Variants in HOXD3 observed in about 807,000 individuals in gnomAD.
The protein encoded by HOXD3 is homeobox protein Hox-D3.
A neutral mutation model predicts 32.8 loss-of-function variants in HOXD3; 13 were observed. The observed-to-expected ratio is 0.40, with a 90% CI of 0.26 to 0.63. The LOEUF (loss-of-function observed/expected upper bound fraction) is 0.63, where lower values mean the gene tolerates loss of function less well. HOXD3 is among the 20% of genes least tolerant of loss of function. HOXD3 has a pLI of 0.44. For synonymous variants in HOXD3, 241 were observed against 246.8 expected (o/e 0.98, Z 0.22); for missense variants, 504 against 577.1 (o/e 0.87, Z 1.30).
chr2:176,159,155 C>T (rs1465127782), intron 1 of HOXD3, among the ~76,000 whole-genome samples: 1 of 151,958 alleles, frequency 6.6e-6, no homozygotes, highest in Non-Finnish European at 1.5e-5. Context: ...AGCAGCCCCC[C>T]TCTTTGGCTG....
intron 3 of HOXD3, among the ~76,000 whole-genome samples, chr2:176,171,153 G>A (rs1187868482): frequency 6.6e-6 from 1 of 152,130 alleles, no homozygotes; most frequent in Non-Finnish European, 1.5e-5. Flanking sequence ...AAAGGAGTCT[G>A]GCCCTTCTTT....
chr2:176,169,012 C>T lies in HOXD3; in HGVS notation c.-84-19C>T. The T allele has an allele frequency of 6.7e-7, 1 of 1,481,600 alleles. No individual in the cohort carries two copies. The highest frequency in any genetic ancestry group is 1.4e-5 in the South Asian group (1 of 70,294). The allele number at this position is 1,481,600 out of a possible 1,614,324, so 91.8% of individuals were successfully genotyped here. ...GCCAATGACACTCCCTCTGGGGCCT[C>T]TTGCTTTTCTTCTGACAGGTCACCT... On this transcript the variant is annotated intron_variant, in intron 2 of 3. Coordinates refer to ENST00000683222, the MANE Select transcript of HOXD3 (RefSeq NM_006898.5).
chr2:176,171,280 G>T (rs896744012), intron 3 of HOXD3, among the ~76,000 whole-genome samples: 3 of 152,176 alleles, frequency 2.0e-5, no homozygotes, highest in African/African-American at 7.2e-5. Flanking sequence ...GAGTGAACTG[G>T]ATCTCAGAAG....
At chr2:176,153,138 G>A, upstream of HOXD3, 1 of 516,958 alleles carries the variant, frequency 1.9e-6, no homozygotes, top group Admixed American at 3.2e-5. Flanking sequence ...GGATGGGAGG[G>A]GGGGCGGGAT....
At position 176,171,662 on chromosome 2, in the gene HOXD3, C is replaced by G; in HGVS notation, c.687C>G (p.Asn229Lys). Residue 229 changes from asparagine (N) to lysine (K), a missense_variant, in exon 4 of 4, where the codon AAC (asparagine) becomes AAG (lysine). By Grantham distance (94) the Asn-to-Lys change is moderately conservative. Around this residue, in one of 3 missense-constraint regions of HOXD3, gnomAD observed 97 missense variants for 158.0 expected, o/e 0.61. Transcript: ENST00000683222. ...GGCCGCGCCGCGTGGAGATGGCCAACCTGCTGAATCTCACGGAACGCCAGA... is the reference window on the plus strand; with the variant it reads ...GGCCGCGCCGCGTGGAGATGGCCAAGCTGCTGAATCTCACGGAACGCCAGA... ...LCRPRRVEMA[N>K]LLNLTERQIK... 1 of 1,614,188 alleles carries G rather than the reference C, an allele frequency of 6.2e-7. No individual in the cohort carries two copies. Among genetic ancestry groups the G allele is most frequent in the Non-Finnish European group, 8.5e-7 (1 of 1,180,036 alleles).
At chr2:176,158,393 CA>C (rs1334109013) in intron 1 of HOXD3, among the ~76,000 whole-genome samples, 1 of 152,196 alleles carries the variant, frequency 6.6e-6, no homozygotes, top group Non-Finnish European at 1.5e-5. Flanking sequence ...ACCCCATCCC[CA>C]GCTTGCCAGG....
upstream of HOXD3, among the ~76,000 whole-genome samples, chr2:176,156,903 A>C (rs1690655689): frequency 6.6e-6 from 1 of 152,198 alleles, no homozygotes; most frequent in Non-Finnish European, 1.5e-5. Flanking sequence ...ATAAGTGCGC[A>C]GGCAGAAGTT....
In HOXD3 at chr2:176,157,465, G is replaced by A. The variant is rs1690673176; in HGVS notation, c.-181+13G>A. On this transcript the variant is annotated intron_variant, in intron 1 of 3. Coordinates refer to ENST00000683222, the MANE Select transcript of HOXD3 (RefSeq NM_006898.5). ...AGCGCGGCCGCAGGTAAATATTTTG[G>A]CAACTTTTATTTCATCAGATTTAAA... 6.6e-6 allele frequency among the ~76,000 whole-genome samples: 1 copy of A among 152,166 alleles called. No homozygotes were observed. Among genetic ancestry groups the A allele is most frequent in the Non-Finnish European group, 1.5e-5 (1 of 68,014 alleles).
intron 2 of HOXD3, among the ~76,000 whole-genome samples, chr2:176,166,131 G>A (rs1177228387): frequency 6.6e-6 from 1 of 152,176 alleles, no homozygotes; most frequent in Non-Finnish European, 1.5e-5. Flanking sequence ...CATTGAGTGG[G>A]AAATTTCTTG....
Position 176,172,480 on chromosome 2 carries a change from C to T in HOXD3, c.*206C>T. ...GTCCTTTGGGTGACTCGCCATAAATCAGCCGCAAGGATCCTTCCCTGTAAA... is the reference window on the plus strand; with the variant it reads ...GTCCTTTGGGTGACTCGCCATAAATTAGCCGCAAGGATCCTTCCCTGTAAA... On this transcript the variant is annotated 3_prime_UTR_variant, in exon 4 of 4. Transcript: ENST00000683222. 3.5e-6 allele frequency: 2 copies of T among 579,156 alleles called. No individual in the cohort carries two copies. The highest frequency in any genetic ancestry group is 5.8e-5 in the East Asian group (2 of 34,748). 35.9% of individuals were successfully genotyped at this position (579,156 alleles called of 1,614,324 possible).
chr2:176,156,397 C>T (rs1690644617), upstream of HOXD3, among the ~76,000 whole-genome samples: 1 of 152,192 alleles, frequency 6.6e-6, no homozygotes, highest in Admixed American at 6.5e-5. Flanking sequence ...TCCAGGTTGG[C>T]ATTCTGCTGG....
chr2:176,170,798 A>G (rs1295526764), intron 3 of HOXD3, among the ~76,000 whole-genome samples: 5 of 152,108 alleles, frequency 3.3e-5, no homozygotes, highest in African/African-American at 1.2e-4. Flanking sequence ...GAGAGGTGGC[A>G]GGGTAGTAAA....
At chr2:176,154,973 G>C (rs923722163), upstream of HOXD3, among the ~76,000 whole-genome samples, 1 of 152,176 alleles carries the variant, frequency 6.6e-6, no homozygotes, top group Non-Finnish European at 1.5e-5. Flanking sequence ...TACAGAATCA[G>C]GTTCATCCAG....
At chr2:176,166,724 C>T (rs2105445661) in intron 2 of HOXD3, among the ~76,000 whole-genome samples, 1 of 152,290 alleles carries the variant, frequency 6.6e-6, no homozygotes, top group South Asian at 2.1e-4. Flanking sequence ...AACATAGTAT[C>T]TTGGTATTAA....
At chr2:176,157,072 A>G (rs1690660435), upstream of HOXD3, among the ~76,000 whole-genome samples, 1 of 152,122 alleles carries the variant, frequency 6.6e-6, no homozygotes. Flanking sequence ...TATAGAGTAC[A>G]GTAAATCGGG....
chr2:176,158,162 AT>A (rs1251660897), intron 1 of HOXD3, among the ~76,000 whole-genome samples: 1 of 151,818 alleles, frequency 6.6e-6, no homozygotes, highest in Non-Finnish European at 1.5e-5. Flanking sequence ...TTGTGTTTGT[AT>A]TTTTTATTTC....
chr2:176,153,587 T>C (rs2105424917), upstream of HOXD3, among the ~76,000 whole-genome samples: 1 of 152,332 alleles, frequency 6.6e-6, no homozygotes, highest in African/African-American at 2.4e-5. Context: ...CAGAAATAAC[T>C]GACACCTTCA....
chr2:176,163,224 G>T (rs1459753006), intron 1 of HOXD3, among the ~76,000 whole-genome samples: 1 of 152,200 alleles, frequency 6.6e-6, no homozygotes, highest in Non-Finnish European at 1.5e-5. Context: ...CTTTAGAAGC[G>T]CCGGGAACGC....
upstream of HOXD3, among the ~76,000 whole-genome samples, chr2:176,157,222 G>A (rs1690666921): frequency 6.6e-6 from 1 of 152,152 alleles, no homozygotes; most frequent in Non-Finnish European, 1.5e-5. Flanking sequence ...TTCTAAGTGC[G>A]AGGAAGATGA....
Sources: allele counts gnomAD v4.1 joint callset (sites outside exome capture counted in the v4.1 genomes callset), GRCh38; gene constraint gnomAD v4.1.1; regional missense constraint gnomAD v4.1.1; transcripts MANE v1.5; gene names NCBI Gene and HGNC (gene_info 2026-07-23, HGNC 2026-07-21).